The following TXNDC16 variants were observed in gnomAD, a reference collection of about 807,000 sequenced individuals.
TXNDC16 encodes the protein thioredoxin domain containing 16.
TXNDC16 carries 74 observed loss-of-function variants against 85.6 expected under a neutral mutation model. That is an observed-to-expected ratio of 0.86 (90% CI 0.72 to 1.05). The LOEUF (loss-of-function observed/expected upper bound fraction) is 1.05, where lower values mean the gene tolerates loss of function less well. Ranked by LOEUF, TXNDC16 falls within the 50% of genes least tolerant of loss-of-function variation. TXNDC16 has a pLI of 0.00. For missense variants in TXNDC16, 959 were observed against 947.0 expected (o/e 1.01, Z -0.17); for synonymous variants, 335 against 326.5 (o/e 1.03, Z -0.28).
intron 4 of TXNDC16, among the ~76,000 whole-genome samples, chr14:52,541,914 C>A (rs181177280): frequency 2.6e-5 from 4 of 151,562 alleles, no homozygotes; most frequent in Non-Finnish European, 4.4e-5. Flanking sequence ...AAAATAAATG[C>A]GAAAAAGTGA....
intron 7 of TXNDC16, among the ~76,000 whole-genome samples, chr14:52,516,344 T>C (rs1380079242): frequency 6.6e-6 from 1 of 152,226 alleles, no homozygotes; most frequent in Admixed American, 6.5e-5. Context: ...AAATTAACTA[T>C]AGTTGGCTGG....
rs187897523 is a variant in TXNDC16 at position 52,520,261 on chromosome 14, G to A, written c.393-968C>T. 5.9e-5 allele frequency among the ~76,000 whole-genome samples: 9 copies of A among 152,230 alleles called. No homozygotes were observed. The East Asian group carries it at 9.7e-4, about 16-fold the overall frequency. ...CTTTCCACTTGACCATAATTCTTCC[G>A]AATCATCCTTTCAGTGTATAAATCA... On this transcript the variant is annotated intron_variant, in intron 6 of 20. Coordinates refer to ENST00000281741, the MANE Select transcript of TXNDC16 (RefSeq NM_020784.3).
intron 4 of TXNDC16, 75 bp from the exon 5 acceptor site, chr14:52,537,747 G>C: frequency 1.2e-6 from 1 of 832,636 alleles, no homozygotes; most frequent in South Asian, 1.5e-5. Flanking sequence ...ACAAGAAGGA[G>C]AATTAAATAT....
At chr14:52,490,185 TA>T in intron 11 of TXNDC16, among the ~76,000 whole-genome samples, 1 of 152,164 alleles carries the variant, frequency 6.6e-6, no homozygotes. Flanking sequence ...TTGCTTTATT[TA>T]AAAAAATACA....
chr14:52,505,022 T>A (rs2036759815), intron 9 of TXNDC16, among the ~76,000 whole-genome samples: 2 of 152,184 alleles, frequency 1.3e-5, no homozygotes, highest in Admixed American at 1.3e-4. Context: ...AAGAGCTAAC[T>A]ATCGTAAATA....
At chr14:52,459,329 T>G (rs148625507) in intron 16 of TXNDC16, among the ~76,000 whole-genome samples, 263 of 152,210 alleles carry the variant, frequency 1.7e-3, no homozygotes, top group African/African-American at 5.9e-3. Context: ...CTGAAAGAGA[T>G]GGATAAACTC....
intron 12 of TXNDC16, among the ~76,000 whole-genome samples, chr14:52,483,365 A>G (rs1339037502): frequency 6.6e-6 from 1 of 152,246 alleles, no homozygotes; most frequent in East Asian, 1.9e-4. Context: ...GAATAAATAT[A>G]TAATTATAAA....
chr14:52,468,642 C>T (rs1423620105), intron 16 of TXNDC16, among the ~76,000 whole-genome samples: 1 of 152,108 alleles, frequency 6.6e-6, no homozygotes, highest in Non-Finnish European at 1.5e-5. Context: ...CTTTGGGAGG[C>T]CAGGGCAGGA....
chr14:52,435,466 C>G (rs1268276239), intron 20 of TXNDC16, among the ~76,000 whole-genome samples: 1 of 151,942 alleles, frequency 6.6e-6, no homozygotes, highest in African/African-American at 2.4e-5. Flanking sequence ...ATCCCTATAC[C>G]ATGTGGTGAG....
intron 6 of TXNDC16, among the ~76,000 whole-genome samples, chr14:52,519,580 T>C (rs1475461677): frequency 6.6e-6 from 1 of 152,172 alleles, no homozygotes; most frequent in East Asian, 1.9e-4. Flanking sequence ...TGGCCAAATA[T>C]TCCCACACAG....
chr14:52,491,873 T>C (rs2036416565), intron 9 of TXNDC16, among the ~76,000 whole-genome samples: 2 of 152,148 alleles, frequency 1.3e-5, no homozygotes, highest in African/African-American at 4.8e-5. Context: ...GTCAGAATAA[T>C]AACTGACTTA....
At chr14:52,515,682 T>C (rs912500618) in intron 7 of TXNDC16, among the ~76,000 whole-genome samples, 7 of 150,514 alleles carry the variant, frequency 4.7e-5, no homozygotes, top group Non-Finnish European at 8.9e-5. Flanking sequence ...TGTGTGTGTG[T>C]GTGTGTGTGT....
Position 52,542,464 on chromosome 14 carries a change from A to C in TXNDC16, c.161-11T>G. On this transcript the variant is annotated splice_polypyrimidine_tract_variant and intron_variant, in intron 3 of 20. Transcript: ENST00000281741. ...ATGTTCTTGGGGAATCTAAAACAACAAATGTTTCATGAATGTTTATGAATT... is the reference window on the plus strand; with the variant it reads ...ATGTTCTTGGGGAATCTAAAACAACCAATGTTTCATGAATGTTTATGAATT... The C allele has an allele frequency of 6.3e-7, 1 of 1,598,758 alleles. No individual in the cohort carries two copies. Among genetic ancestry groups the C allele is most frequent in the East Asian group, 2.2e-5 (1 of 44,668 alleles).
intron 6 of TXNDC16, among the ~76,000 whole-genome samples, chr14:52,529,310 T>C (rs1440948945): frequency 5.5e-5 from 7 of 127,900 alleles, no homozygotes; most frequent in Non-Finnish European, 1.1e-4. Flanking sequence ...GGGAACACAC[T>C]GGGGCCTGTT....
chr14:52,546,709 A>G (rs1398064074), intron 1 of TXNDC16, among the ~76,000 whole-genome samples: 1 of 152,228 alleles, frequency 6.6e-6, no homozygotes, highest in Non-Finnish European at 1.5e-5. Flanking sequence ...TTGTTGTTTT[A>G]AGTCACTGAG....
At chr14:52,515,095 C>A in intron 7 of TXNDC16, 125 bp from the exon 8 acceptor site, 2 of 562,832 alleles carry the variant, frequency 3.6e-6, no homozygotes, top group Non-Finnish European at 5.8e-6. Context: ...AAAAATCCTT[C>A]ACAGGGATAC....
chr14:52,488,471 A>T lies in TXNDC16; in HGVS notation c.1000T>A (p.Phe334Ile). Residue 334 changes from phenylalanine to isoleucine, a missense_variant, in exon 12 of 21, where the codon TTT becomes ATT. Phe to Ile is a conservative substitution (Grantham distance 21). Coordinates refer to ENST00000281741, the MANE Select transcript of TXNDC16 (RefSeq NM_020784.3). ...KRAEEGVPVE[F>I]LVLHDVDLII... ...AAATCAACATCATGTAATACCAAAA[A>T]TTCCACTGGAACTCCCTAGAAATAC... 2.5e-6 allele frequency: 4 copies of T among 1,597,728 alleles called. No homozygotes were observed. The highest frequency in any genetic ancestry group is 3.4e-6 in the Non-Finnish European group (4 of 1,166,556).
At chr14:52,455,208 C>G in intron 18 of TXNDC16, 116 bp downstream of exon 18, 1 of 1,181,320 alleles carries the variant, frequency 8.5e-7, no homozygotes, top group East Asian at 2.5e-5. Flanking sequence ...ATCCTCAGCT[C>G]ACAAATCACC....
intron 4 of TXNDC16, among the ~76,000 whole-genome samples, chr14:52,540,094 A>G (rs2037795267): frequency 6.6e-6 from 1 of 152,212 alleles, no homozygotes; most frequent in Non-Finnish European, 1.5e-5. Flanking sequence ...AAAAGGAAGG[A>G]CACATTTAAG....
Sources: gnomAD v4.1 joint callset for allele counts (sites outside exome capture counted in the v4.1 genomes callset) on GRCh38, gnomAD v4.1.1 for gene constraint, MANE v1.5 for transcripts, NCBI Gene and HGNC (gene_info 2026-07-23, HGNC 2026-07-21) for gene names.